ELMO1: variants seen among roughly 807,000 people sequenced by gnomAD.
ELMO1 encodes engulfment and cell motility 1.
In ELMO1, 26 loss-of-function variants were observed where a neutral mutation model predicts 98.9. That is an observed-to-expected ratio of 0.26 (90% CI 0.19 to 0.36). The LOEUF (loss-of-function observed/expected upper bound fraction) is 0.36. Ranked by LOEUF, ELMO1 falls within the 10% of genes least tolerant of loss-of-function variation. The pLI, the probability that ELMO1 is intolerant of heterozygous loss-of-function variation, is 1.00. For synonymous variants in ELMO1, 346 were observed against 346.0 expected, an observed-to-expected ratio of 1.00 and a Z score of 0.00; for missense variants, 627 against 935.2, an observed-to-expected ratio of 0.67 and a Z score of 4.30.
At chr7:37,126,326 T>C (rs1165472790) in intron 14 of ELMO1, among the ~76,000 whole-genome samples, 1 of 135,728 alleles carries the variant, frequency 7.4e-6, no homozygotes, top group East Asian at 2.1e-4. Context: ...TATATATATA[T>C]ATAAAAGAAA....
At chr7:36,872,285 G>A (rs754238669) in intron 19 of ELMO1, among the ~76,000 whole-genome samples, 6 of 152,190 alleles carry the variant, frequency 3.9e-5, no homozygotes, top group Non-Finnish European at 7.3e-5. Context: ...ACAAGGTGAC[G>A]ATAGTCAGAG....
At chr7:37,275,355 CCTT>C (rs1194947850) in intron 4 of ELMO1, among the ~76,000 whole-genome samples, 3 of 152,210 alleles carry the variant, frequency 2.0e-5, no homozygotes, top group South Asian at 2.1e-4. Context: ...AAGGTTCACT[CCTT>C]CTTTTTTGGA....
intron 15 of ELMO1, among the ~76,000 whole-genome samples, chr7:37,045,586 A>C (rs1475827702): frequency 6.6e-6 from 1 of 152,130 alleles, no homozygotes; most frequent in Non-Finnish European, 1.5e-5. Flanking sequence ...TCTCTACTAA[A>C]TTTTAGTAGA....
chr7:37,042,487 G>A (rs975599308), intron 15 of ELMO1, among the ~76,000 whole-genome samples: 1 of 152,154 alleles, frequency 6.6e-6, no homozygotes, highest in Non-Finnish European at 1.5e-5. Flanking sequence ...AAACAGAGTT[G>A]CTCAACTGCC....
intron 2 of ELMO1, among the ~76,000 whole-genome samples, chr7:37,320,728 A>G (rs1473674132): frequency 6.6e-6 from 1 of 152,152 alleles, no homozygotes; most frequent in East Asian, 1.9e-4. Context: ...TAGTTACCAC[A>G]GTATGTAGGT....
chr7:37,143,138 CATAT>C (rs1261471303), intron 13 of ELMO1, among the ~76,000 whole-genome samples: 1 of 152,184 alleles, frequency 6.6e-6, no homozygotes, highest in Non-Finnish European at 1.5e-5. Flanking sequence ...AAGTGTCTTG[CATAT>C]GGAGCTCTTA....
chr7:36,933,815 G>A (rs1339229603), intron 16 of ELMO1, among the ~76,000 whole-genome samples: 3 of 152,198 alleles, frequency 2.0e-5, no homozygotes, highest in African/African-American at 7.2e-5. Context: ...TGTGACTTCA[G>A]GTCTGTGATC....
At chr7:36,900,578 G>A (rs1806421996) in intron 16 of ELMO1, among the ~76,000 whole-genome samples, 1 of 152,174 alleles carries the variant, frequency 6.6e-6, no homozygotes, top group Non-Finnish European at 1.5e-5. Context: ...GTCATTTTGG[G>A]CTTGCTTCCA....
At chr7:37,183,562 G>C (rs1356207356) in intron 13 of ELMO1, among the ~76,000 whole-genome samples, 2 of 7,148 alleles carry the variant, frequency 2.8e-4, no homozygotes, top group African/African-American at 1.1e-3. Context: ...ACCCAGAAGA[G>C]AGAGAGAGAA....
At chr7:37,192,296 A>G (rs933648876) in intron 13 of ELMO1, among the ~76,000 whole-genome samples, 1 of 151,996 alleles carries the variant, frequency 6.6e-6, no homozygotes, top group Non-Finnish European at 1.5e-5. Flanking sequence ...AGAGATCGAG[A>G]CCATCTTGGT....
chr7:37,028,031 ACTGT>A (rs1443311885), intron 15 of ELMO1, among the ~76,000 whole-genome samples: 8 of 148,696 alleles, frequency 5.4e-5, no homozygotes, highest in Non-Finnish European at 1.2e-4. Flanking sequence ...TACTACGAGA[ACTGT>A]CTTTTTTTTT....
chr7:36,896,383 T>C (rs1209028462), intron 16 of ELMO1, among the ~76,000 whole-genome samples: 3 of 152,240 alleles, frequency 2.0e-5, no homozygotes, highest in African/African-American at 4.8e-5. Context: ...TTCCGTGAAC[T>C]AATGGTCTCA....
intron 1 of ELMO1, among the ~76,000 whole-genome samples, chr7:37,424,629 A>G (rs960604825): frequency 6.6e-6 from 1 of 152,214 alleles, no homozygotes; most frequent in Non-Finnish European, 1.5e-5. Flanking sequence ...GTGATCTGAA[A>G]ATTCCAACCA....
intron 16 of ELMO1, among the ~76,000 whole-genome samples, chr7:36,902,046 G>A (rs1783606438): frequency 6.6e-6 from 1 of 152,184 alleles, no homozygotes; most frequent in Non-Finnish European, 1.5e-5. Context: ...TCTCACTGTG[G>A]TTCCACCACT....
At chr7:36,871,828 C>T (rs1379329493) in intron 19 of ELMO1, among the ~76,000 whole-genome samples, 1 of 152,142 alleles carries the variant, frequency 6.6e-6, no homozygotes, top group African/African-American at 2.4e-5. Flanking sequence ...AAACAATACA[C>T]AAGAAGGCCT....
At chr7:37,363,215 T>C (rs1277028693) in intron 1 of ELMO1, among the ~76,000 whole-genome samples, 2 of 152,050 alleles carry the variant, frequency 1.3e-5, no homozygotes, top group Non-Finnish European at 2.9e-5. Flanking sequence ...CTCCCCTCCA[T>C]GTCCAGGCCA....
chr7:36,998,194 G>C (rs1266049657), intron 16 of ELMO1, among the ~76,000 whole-genome samples: 1 of 152,158 alleles, frequency 6.6e-6, no homozygotes, highest in African/African-American at 2.4e-5. Context: ...TAAATTTTTT[G>C]ATGTCTCTCT....
chr7:36,952,460 T>A (rs1458704660), intron 16 of ELMO1, among the ~76,000 whole-genome samples: 1 of 152,092 alleles, frequency 6.6e-6, no homozygotes, highest in African/African-American at 2.4e-5. Flanking sequence ...ATGAATCTTA[T>A]CCAGCTGTGC....
chr7:37,297,254 G>A (rs1798077102), intron 4 of ELMO1, among the ~76,000 whole-genome samples: 1 of 152,046 alleles, frequency 6.6e-6, no homozygotes, highest in South Asian at 2.1e-4. Context: ...TATTTTTAAA[G>A]GTTGTATAAG....
Sources: gnomAD v4.1 joint callset for allele counts (sites outside exome capture counted in the v4.1 genomes callset) on GRCh38, gnomAD v4.1.1 for gene constraint, MANE v1.5 for transcripts, NCBI Gene and HGNC (gene_info 2026-07-23, HGNC 2026-07-21) for gene names.